SI: variants seen among roughly 807,000 people sequenced by gnomAD.
SI encodes sucrase-isomaltase, intestinal.
SI carries 235 observed loss-of-function variants against 253.3 expected under a neutral mutation model. The ratio of observed to expected loss-of-function variants is 0.93; its 90% confidence interval spans 0.83 to 1.03. SI has a LOEUF of 1.03. Ranked by LOEUF, SI falls within the 50% of genes least tolerant of loss-of-function variation. The pLI is 0.00. For missense variants in SI, 2,442 were observed against 2,211.1 expected (o/e 1.10, Z -2.09); for synonymous variants, 819 against 712.0 (o/e 1.15, Z -2.39).
At position 164,991,226 on chromosome 3, in the gene SI, T is replaced by G; in HGVS notation, c.5108+127A>C. On this transcript the variant is annotated intron_variant, in intron 44 of 47. Coordinates refer to ENST00000264382, the MANE Select transcript of SI (RefSeq NM_001041.4). The stretch of plus-strand genomic sequence containing the variant: ...ACTTTTGTCTCTGACCTGGCATTCA[T>G]GTTACTGAGGCAGGCTAATGTACTA... 3 of 1,002,284 alleles carry G rather than the reference T, an allele frequency of 3.0e-6. No individual in the cohort carries two copies. The South Asian group carries it at 3.9e-5, about 13-fold the overall frequency. 62.1% of individuals were successfully genotyped at this position (1,002,284 alleles called of 1,614,324 possible).
intron 25 of SI, among the ~76,000 whole-genome samples, chr3:165,025,779 A>G (rs748502032): frequency 1.5e-4 from 22 of 151,386 alleles, no homozygotes; most frequent in Non-Finnish European, 2.8e-4. Flanking sequence ...TTTTCAGACA[A>G]ACAAATGCTG....
At position 165,022,389 on chromosome 3, in the gene SI, T is replaced by A. The variant is rs190025542; in HGVS notation, c.3100-1006A>T. ...TTTATTTTAGGCTTATGTTTAGTTTTCACATGGAACTCATTCTAAATTTTA... is the reference window on the plus strand; with the variant it reads ...TTTATTTTAGGCTTATGTTTAGTTTACACATGGAACTCATTCTAAATTTTA... On this transcript the variant is annotated intron_variant, in intron 26 of 47. Transcript: ENST00000264382. Among the ~76,000 whole-genome samples, 8 of 151,742 alleles carry A rather than the reference T, an allele frequency of 5.3e-5. No homozygotes were observed. In the East Asian group the frequency reaches 1.4e-3, roughly 26 times the overall value.
chr3:165,072,414 A>T (rs1714642161), intron 3 of SI, among the ~76,000 whole-genome samples: 1 of 151,788 alleles, frequency 6.6e-6, no homozygotes, highest in African/African-American at 2.4e-5. Flanking sequence ...AGCTATAAAT[A>T]ACAACAACAA....
At chr3:165,082,210 G>A (rs1372429194), upstream of SI, among the ~76,000 whole-genome samples, 1 of 151,796 alleles carries the variant, frequency 6.6e-6, no homozygotes, top group African/African-American at 2.4e-5. Context: ...CCCAAGCAAC[G>A]TGAGCTCAAG....
chr3:165,027,381 GAAT>G (rs1411348890), intron 25 of SI, among the ~76,000 whole-genome samples: 1 of 151,224 alleles, frequency 6.6e-6, no homozygotes, highest in Non-Finnish European at 1.5e-5. Flanking sequence ...GAAATTCAAA[GAAT>G]AATTGGTACC....
chr3:165,022,609 A>ACG (rs1711686903), intron 26 of SI, among the ~76,000 whole-genome samples: 1 of 151,272 alleles, frequency 6.6e-6, no homozygotes, highest in South Asian at 2.1e-4. Flanking sequence ...ATACACACAC[A>ACG]CACACACACA....
chr3:165,078,704 G>C (rs1254520470), upstream of SI, among the ~76,000 whole-genome samples: 1 of 151,532 alleles, frequency 6.6e-6, no homozygotes, highest in African/African-American at 2.4e-5. Context: ...TCTCAAAGCT[G>C]TGAACTATTA....
upstream of SI, among the ~76,000 whole-genome samples, chr3:165,081,757 T>C (rs766133861): frequency 1.3e-5 from 2 of 152,094 alleles, no homozygotes; most frequent in Middle Eastern, 3.4e-3. Context: ...TTGAATTTGT[T>C]TGAGTTCTTT....
chr3:164,979,346 A>C lies in SI; in HGVS notation c.*16T>G, dbSNP rs1436835738. On this transcript the variant is annotated 3_prime_UTR_variant, in exon 48 of 48. Transcript: ENST00000264382. Reference sequence around the variant, plus strand: ...TGGTGTTTTTTCCCATTGACAACTAAAATTGATGGTGATCTTCATGACCAG... The same window carrying C: ...TGGTGTTTTTTCCCATTGACAACTACAATTGATGGTGATCTTCATGACCAG... 2.0e-6 allele frequency: 3 copies of C among 1,528,128 alleles called. No individual in the cohort carries two copies. Among genetic ancestry groups the C allele is most frequent in the African/African-American group, 2.7e-5 (2 of 73,026 alleles). 94.7% of individuals were successfully genotyped at this position (1,528,128 alleles called of 1,614,324 possible).
At chr3:165,027,543 A>C (rs1239875270) in intron 25 of SI, among the ~76,000 whole-genome samples, 1 of 151,410 alleles carries the variant, frequency 6.6e-6, no homozygotes, top group Non-Finnish European at 1.5e-5. Context: ...ACATAGATGC[A>C]AGAATCCTTA....
intron 16 of SI, 41 bp from the exon 17 acceptor site, chr3:165,043,216 C>A (rs373807799): frequency 1.4e-6 from 2 of 1,392,744 alleles, no homozygotes; most frequent in South Asian, 1.2e-5. Flanking sequence ...TGTTAAGATT[C>A]TCAAATTTGC....
intron 9 of SI, 76 bp from the exon 10 acceptor site, chr3:165,060,103 C>T: frequency 8.1e-7 from 1 of 1,241,522 alleles, no homozygotes; most frequent in Non-Finnish European, 1.2e-6. Context: ...GTTAATGTGC[C>T]TCTTATTTTC....
intron 10 of SI, among the ~76,000 whole-genome samples, chr3:165,059,637 A>G (rs941593026): frequency 6.6e-6 from 1 of 152,002 alleles, no homozygotes; most frequent in African/African-American, 2.4e-5. Context: ...GGTCTATTTT[A>G]AAAACTAAAT....
chr3:165,072,372 GTAT>G (rs1200764991), intron 3 of SI, among the ~76,000 whole-genome samples: 6 of 151,480 alleles, frequency 4.0e-5, no homozygotes, highest in African/African-American at 1.5e-4. Context: ...AATCTTTAGG[GTAT>G]TTAATGAAAA....
intron 14 of SI, 41 bp from the exon 15 acceptor site, chr3:165,049,285 A>T: frequency 9.0e-7 from 1 of 1,114,240 alleles, no homozygotes; most frequent in South Asian, 1.3e-5. Context: ...ATATTTTTCC[A>T]TTATAAAAGT....
At chr3:165,046,771 T>G (rs537620282) in intron 16 of SI, 70 bp downstream of exon 16, 2 of 1,260,426 alleles carry the variant, frequency 1.6e-6, no homozygotes, top group African/African-American at 3.0e-5. Flanking sequence ...TTACTAAAAT[T>G]AATTAAGATT....
chr3:165,083,709 G>A, the SI span, among the ~76,000 whole-genome samples: 2 of 151,910 alleles, frequency 1.3e-5, no homozygotes, highest in African/African-American at 4.8e-5. Context: ...GAAGTTCTTA[G>A]TTGGATTATG....
the SI span, among the ~76,000 whole-genome samples, chr3:165,087,574 C>T: frequency 2.0e-5 from 3 of 152,092 alleles, no homozygotes; most frequent in South Asian, 6.2e-4. Context: ...CTCATAGCAA[C>T]AGCAATATCC....
chr3:165,070,345 CAT>C (rs72166578), intron 3 of SI, among the ~76,000 whole-genome samples: 103,989 of 139,250 alleles, frequency 0.75, 39,843 homozygotes, highest in East Asian at 0.9. Context: ...CTCTAAACAC[CAT>C]ATATATATAT....
Sources: gnomAD v4.1 joint callset for allele counts (sites outside exome capture counted in the v4.1 genomes callset) on GRCh38, gnomAD v4.1.1 for gene constraint, MANE v1.5 for transcripts, NCBI Gene and HGNC (gene_info 2026-07-23, HGNC 2026-07-21) for gene names.